The following MORC3 variants were observed in gnomAD, a reference collection of about 807,000 sequenced individuals.
MORC3 encodes MORC family CW-type zinc finger protein 3.
Under a neutral mutation model 109.1 loss-of-function variants are expected in MORC3, and 31 were observed. The ratio of observed to expected loss-of-function variants is 0.28; its 90% confidence interval spans 0.21 to 0.38. The LOEUF is 0.38. Among genes scored for constraint, MORC3 ranks in the 10% least tolerant of loss-of-function variants. The probability of loss-of-function intolerance (pLI) is 1.00; values close to 1 mark genes in which losing one functional copy is unlikely to be tolerated. For synonymous variants in MORC3, 395 were observed against 380.7 expected, an observed-to-expected ratio of 1.04 and a Z score of -0.44; for missense variants, 867 against 1,135.8, an observed-to-expected ratio of 0.76 and a Z score of 3.40.
In MORC3 at chr21:36,374,202, G is replaced by GC. The variant is rs2085903078; in HGVS notation, c.2667-939dup. Among the ~76,000 whole-genome samples the GC allele has an allele frequency of 2.0e-5, 3 of 152,166 alleles. No homozygotes were observed. The South Asian group carries it at 6.2e-4, about 32-fold the overall frequency. ...CCTCCCAGGTTCAAGCAATTCTCCT[G>GC]CCTCAGCCTCACCAGTAGCTGGGAC... is the stretch of plus-strand genomic sequence containing the variant. On this transcript the variant is annotated intron_variant, in intron 16 of 16. Coordinates refer to ENST00000400485, the MANE Select transcript of MORC3 (RefSeq NM_015358.3).
chr21:36,321,582 T>C (rs1303065289), intron 1 of MORC3, among the ~76,000 whole-genome samples: 4 of 151,936 alleles, frequency 2.6e-5, no homozygotes, highest in African/African-American at 9.7e-5. Flanking sequence ...GTGTAAACAT[T>C]AATTATTCCC....
chr21:36,364,150 C>T lies in MORC3; in HGVS notation c.1510C>T (p.Pro504Ser), dbSNP rs182300552. Residue 504 changes from proline to serine, a missense_variant, in exon 14 of 17, where the codon CCT (proline) becomes TCT (serine). Physicochemically the swap from Pro to Ser is moderately conservative, Grantham distance 74. Coordinates refer to ENST00000400485, the MANE Select transcript of MORC3 (RefSeq NM_015358.3). The part of the protein sequence containing the change: ...TALSTPSFSS[P>S]KESVPRRHLS... ...TCTTTCAACTCCAAGCTTTTCTTCT[C>T]CTAAGGAAAGTGTTCCAAGAAGACA... The T allele has an allele frequency of 5.3e-5, 85 of 1,614,046 alleles. No individual in the cohort carries two copies. In the African/African-American group the frequency reaches 1.0e-3, roughly 20 times the overall value.
intron 2 of MORC3, 40 bp from the exon 3 acceptor site, chr21:36,336,834 A>C (rs1469806433): frequency 1.3e-6 from 2 of 1,560,474 alleles, no homozygotes. Context: ...GCTCTTTTTA[A>C]AGTGTAAAAT....
intron 10 of MORC3, 142 bp from the exon 11 acceptor site, chr21:36,359,813 C>A: frequency 8.2e-7 from 1 of 1,221,352 alleles, no homozygotes; most frequent in Non-Finnish European, 1.2e-6. Context: ...TCGCACCCAG[C>A]CTAATTTTGA....
At chr21:36,358,828 C>T (rs980484405) in intron 10 of MORC3, among the ~76,000 whole-genome samples, 4 of 151,754 alleles carry the variant, frequency 2.6e-5, no homozygotes, top group African/African-American at 7.3e-5. Context: ...TACAGGAACC[C>T]GCCATCACGC....
chr21:36,368,776 C>T (rs1265395382), intron 14 of MORC3, among the ~76,000 whole-genome samples: 2 of 152,146 alleles, frequency 1.3e-5, no homozygotes, highest in Non-Finnish European at 1.5e-5. Context: ...CCTCAGGAGG[C>T]TGAGGCAGGA....
intron 1 of MORC3, 42 bp downstream of exon 1, chr21:36,320,345 G>T: frequency 1.6e-5 from 22 of 1,394,656 alleles, no homozygotes; most frequent in Non-Finnish European, 2.1e-5. Flanking sequence ...GTCCCAGGAG[G>T]GCGGGCGGGC....
chr21:36,330,443 G>A (rs985059941), intron 1 of MORC3, among the ~76,000 whole-genome samples: 1 of 152,012 alleles, frequency 6.6e-6, no homozygotes, highest in Non-Finnish European at 1.5e-5. Context: ...GGAAGTCCCC[G>A]CTTTGACTTG....
chr21:36,354,043 A>G (rs2085611237), intron 9 of MORC3, among the ~76,000 whole-genome samples: 1 of 151,500 alleles, frequency 6.6e-6, no homozygotes, highest in African/African-American at 2.4e-5. Flanking sequence ...TGCACCCTAG[A>G]CTGGGTGACA....
intron 6 of MORC3, among the ~76,000 whole-genome samples, chr21:36,343,167 C>G (rs569023318): frequency 6.6e-6 from 1 of 152,072 alleles, no homozygotes; most frequent in African/African-American, 2.4e-5. Context: ...ATGATCTTGG[C>G]TCACCACAGC....
intron 1 of MORC3, among the ~76,000 whole-genome samples, chr21:36,322,198 G>C (rs1390931365): frequency 6.6e-6 from 1 of 152,110 alleles, no homozygotes; most frequent in African/African-American, 2.4e-5. Context: ...TAAAAATTAT[G>C]CGAAATACAA....
At position 36,320,217 on chromosome 21, in the gene MORC3, C is replaced by T. The variant is rs1431360273; in HGVS notation, c.-48C>T. ...GCTCCACAGTCGTTCCGCCACCTCC[C>T]AGTCGGGTTGCGGCGGAGGCCGTTC... On this transcript the variant is annotated 5_prime_UTR_variant, in exon 1 of 17. Coordinates refer to ENST00000400485, the MANE Select transcript of MORC3 (RefSeq NM_015358.3). 6.4e-6 allele frequency: 10 copies of T among 1,563,654 alleles called. No individual in the cohort carries two copies. Among genetic ancestry groups the T allele is most frequent in the Non-Finnish European group, 7.8e-6 (9 of 1,154,606 alleles).
chr21:36,375,451 G>T lies in MORC3; in HGVS notation c.*155G>T. 1 of 639,100 alleles carries T rather than the reference G, an allele frequency of 1.6e-6. No individual in the cohort carries two copies. The highest frequency in any genetic ancestry group is 2.5e-6 in the Non-Finnish European group (1 of 394,304). 39.6% of individuals were successfully genotyped at this position (639,100 alleles called of 1,614,324 possible). Reference sequence around the variant, plus strand: ...GCATTCAAATGTGGTCACAAATATTGTGGACACATTATCTTATGTTTTGAA... The same window carrying T: ...GCATTCAAATGTGGTCACAAATATTTTGGACACATTATCTTATGTTTTGAA... On this transcript the variant is annotated 3_prime_UTR_variant, in exon 17 of 17. Coordinates refer to ENST00000400485, the MANE Select transcript of MORC3 (RefSeq NM_015358.3).
At chr21:36,351,463 C>T (rs986448718) in intron 9 of MORC3, among the ~76,000 whole-genome samples, 1 of 152,154 alleles carries the variant, frequency 6.6e-6, no homozygotes, top group African/African-American at 2.4e-5. Flanking sequence ...TCCCTCTCCC[C>T]ACTACCTGTC....
Position 36,375,226 on chromosome 21 carries a change from A to C in MORC3, c.2750A>C (p.Tyr917Ser). The change falls in exon 17 of 17, where the codon TAC becomes TCC. Residue 917 changes from tyrosine to serine, a missense_variant. Physicochemically the swap from Tyr to Ser is moderately radical, Grantham distance 144. Around this residue, in one of 7 missense-constraint regions of MORC3, gnomAD observed 34 missense variants for 35.2 expected, o/e 0.97. Transcript: ENST00000400485. ...VPDLDLQQVN[Y>S]DVDVVDEILG... ...GATCTTGATCTTCAGCAAGTGAATT[A>C]CGATGTTGATGTAGTTGATGAGATT... is the stretch of plus-strand genomic sequence containing the variant. 2.5e-6 allele frequency: 4 copies of C among 1,613,940 alleles called. No individual in the cohort carries two copies. Among genetic ancestry groups the C allele is most frequent in the Non-Finnish European group, 3.4e-6 (4 of 1,179,846 alleles).
chr21:36,358,519 G>T (rs2085672905), intron 10 of MORC3, among the ~76,000 whole-genome samples: 1 of 152,124 alleles, frequency 6.6e-6, no homozygotes, highest in Non-Finnish European at 1.5e-5. Flanking sequence ...ACTTTGGGAG[G>T]CCAAGGCAGA....
intron 1 of MORC3, among the ~76,000 whole-genome samples, chr21:36,322,610 G>C (rs2085205963): frequency 6.6e-6 from 1 of 152,148 alleles, no homozygotes; most frequent in Admixed American, 6.6e-5. Flanking sequence ...AACCTCAGGT[G>C]ATCCTCCTGC....
intron 8 of MORC3, 32 bp from the exon 9 acceptor site, chr21:36,349,279 C>A: frequency 1.4e-6 from 2 of 1,458,296 alleles, no homozygotes; most frequent in Non-Finnish European, 1.9e-6. Flanking sequence ...ATGTCTTATG[C>A]TTAAAATGCT....
intron 14 of MORC3, among the ~76,000 whole-genome samples, chr21:36,366,273 T>G (rs537401346): frequency 1.3e-3 from 197 of 152,244 alleles, no homozygotes; most frequent in African/African-American, 4.3e-3. Flanking sequence ...CACTTATAAG[T>G]GAGAACATGA....
Sources: gnomAD v4.1 joint callset for allele counts (sites outside exome capture counted in the v4.1 genomes callset) on GRCh38, gnomAD v4.1.1 for gene constraint, gnomAD v4.1.1 regional missense constraint, MANE v1.5 for transcripts, NCBI Gene and HGNC (gene_info 2026-07-23, HGNC 2026-07-21) for gene names.